RAB27A: variants seen among roughly 807,000 people sequenced by gnomAD.
RAB27A encodes ras-related protein Rab-27A.
Under a neutral mutation model 20.8 loss-of-function variants are expected in RAB27A, and 17 were observed. The ratio of observed to expected loss-of-function variants is 0.82; its 90% CI spans 0.56 to 1.23. RAB27A has a LOEUF of 1.23. Ranked by LOEUF, RAB27A falls within the 50% of genes most tolerant of loss-of-function variation. The probability of loss-of-function intolerance (pLI) is 0.00; values close to 1 mark genes in which losing one functional copy is unlikely to be tolerated. For missense variants in RAB27A, 277 were observed against 266.7 expected (o/e 1.04, Z -0.27); for synonymous variants, 85 against 92.8 (o/e 0.92, Z 0.48).
At chr15:55,304,934 G>T (rs749591794) in intron 2 of RAB27A, among the ~76,000 whole-genome samples, 4 of 152,132 alleles carry the variant, frequency 2.6e-5, no homozygotes, top group African/African-American at 7.2e-5. Flanking sequence ...CAAAGGGAGG[G>T]GACCCAAAGA....
chr15:55,262,876 C>T (rs1897327077), intron 2 of RAB27A, among the ~76,000 whole-genome samples: 1 of 152,088 alleles, frequency 6.6e-6, no homozygotes, highest in Non-Finnish European at 1.5e-5. Flanking sequence ...TGTCTTGATT[C>T]TAACATTTCA....
At chr15:55,222,989 T>G (rs757407846) in intron 6 of RAB27A, among the ~76,000 whole-genome samples, 38 of 103,186 alleles carry the variant, frequency 3.7e-4, no homozygotes, top group Non-Finnish European at 7.3e-4. Flanking sequence ...GTCCAGTTCA[T>G]GCTGCTGCTG....
At chr15:55,265,668 G>A (rs975574230) in intron 2 of RAB27A, among the ~76,000 whole-genome samples, 5 of 151,858 alleles carry the variant, frequency 3.3e-5, no homozygotes, top group African/African-American at 4.8e-5. Flanking sequence ...GTTTCGAACC[G>A]TCAGGAGGGA....
At chr15:55,209,682 A>G (rs1458268425) in intron 6 of RAB27A, among the ~76,000 whole-genome samples, 1 of 150,822 alleles carries the variant, frequency 6.6e-6, no homozygotes, top group Non-Finnish European at 1.5e-5. Flanking sequence ...CTCTCTCCTA[A>G]GAAAACTTAC....
intron 2 of RAB27A, 86 bp downstream of exon 2, chr15:55,270,079 T>C (rs1425094263): frequency 6.6e-6 from 1 of 152,054 alleles, no homozygotes; most frequent in Non-Finnish European, 1.5e-5. Context: ...GTATGTTATA[T>C]TGCACATAAT....
intron 2 of RAB27A, among the ~76,000 whole-genome samples, chr15:55,307,050 C>A (rs565679877): frequency 1.2e-4 from 18 of 152,110 alleles, no homozygotes; most frequent in South Asian, 1.0e-3. Context: ...TCCACTCCAG[C>A]CACTTTAACC....
intron 1 of RAB27A, among the ~76,000 whole-genome samples, chr15:55,286,955 T>C (rs1898172202): frequency 7.2e-6 from 1 of 138,508 alleles, no homozygotes; most frequent in African/African-American, 2.7e-5. Flanking sequence ...ACTCACACTC[T>C]GTCGCCCAGG....
chr15:55,261,868 T>G (rs192739874), intron 2 of RAB27A, among the ~76,000 whole-genome samples: 1 of 151,462 alleles, frequency 6.6e-6, no homozygotes, highest in Admixed American at 6.6e-5. Context: ...TGCAATCCCA[T>G]CTCTACTAAA....
chr15:55,253,974 A>G (rs944732716), intron 2 of RAB27A, among the ~76,000 whole-genome samples: 1 of 152,182 alleles, frequency 6.6e-6, no homozygotes, highest in African/African-American at 2.4e-5. Context: ...TGTTCAGGGG[A>G]AATCACAAAA....
At chr15:55,317,616 C>T in intron 1 of RAB27A, 1 of 397,542 alleles carries the variant, frequency 2.5e-6, no homozygotes, top group Non-Finnish European at 4.4e-6. Flanking sequence ...CCAGGCCTAA[C>T]TCCATGTAGT....
Position 55,314,190 on chromosome 15 carries a change from T to A in RAB27A, c.-233-30A>T, listed in dbSNP as rs565412140. ...AAAAAAAAAAAAAAAAAATTACCTA[T>A]GCTGGTCTCCACCTAACATAGCTGA... On this transcript the variant is annotated intron_variant, in intron 1 of 5. Transcript: ENST00000563262. The A allele has an allele frequency of 9.3e-4, 139 of 150,086 alleles. 2 individuals are homozygous for A. Among genetic ancestry groups the A allele is most frequent in the African/African-American group, 3.3e-3 (136 of 41,008 alleles). The allele number at this position is 150,086 out of a possible 1,614,324, so 9.3% of individuals were successfully genotyped here.
At chr15:55,313,483 A>G (rs1309587977) in intron 2 of RAB27A, among the ~76,000 whole-genome samples, 1 of 152,224 alleles carries the variant, frequency 6.6e-6, no homozygotes, top group Non-Finnish European at 1.5e-5. Context: ...TTATACAACA[A>G]TAATTTTCAC....
chr15:55,299,693 T>C (rs1022807668), intron 2 of RAB27A, among the ~76,000 whole-genome samples: 2 of 152,064 alleles, frequency 1.3e-5, no homozygotes, highest in Non-Finnish European at 2.9e-5. Flanking sequence ...TCAAATATGA[T>C]TCTGGATTAG....
At chr15:55,279,228 T>A (rs940731095) in intron 1 of RAB27A, among the ~76,000 whole-genome samples, 5 of 152,292 alleles carry the variant, frequency 3.3e-5, no homozygotes, top group African/African-American at 9.6e-5. Context: ...CTCCACCCAG[T>A]GTCCGAGGCC....
chr15:55,244,087 G>A (rs566373729), intron 2 of RAB27A, among the ~76,000 whole-genome samples: 2 of 152,216 alleles, frequency 1.3e-5, no homozygotes, highest in Admixed American at 1.3e-4. Flanking sequence ...GATCACTTGA[G>A]GTCACGAGTT....
chr15:55,292,764 T>C (rs932568263), upstream of RAB27A, among the ~76,000 whole-genome samples: 3 of 152,182 alleles, frequency 2.0e-5, no homozygotes, highest in African/African-American at 7.2e-5. Flanking sequence ...AACAGGCCTA[T>C]CTGAAGCACA....
intron 6 of RAB27A, among the ~76,000 whole-genome samples, chr15:55,212,248 C>T (rs900273846): frequency 3.9e-5 from 6 of 152,132 alleles, no homozygotes; most frequent in African/African-American, 7.2e-5. Flanking sequence ...GCCCAATTCA[C>T]AATGCTAGAA....
chr15:55,286,943 G>A (rs1489034039), intron 1 of RAB27A, among the ~76,000 whole-genome samples: 2 of 132,978 alleles, frequency 1.5e-5, no homozygotes, highest in South Asian at 2.5e-4. Flanking sequence ...TTTTTGAGAC[G>A]GACTCACACT....
chr15:55,206,137 G>C (rs973990655), intron 6 of RAB27A: 2 of 163,104 alleles, frequency 1.2e-5, no homozygotes, highest in African/African-American at 4.8e-5. Context: ...CTTGAACCTG[G>C]GAGGCAGAGG....
Sources: allele counts gnomAD v4.1 joint callset (sites outside exome capture counted in the v4.1 genomes callset), GRCh38; gene constraint gnomAD v4.1.1; transcripts MANE v1.5; gene names NCBI Gene and HGNC (gene_info 2026-07-23, HGNC 2026-07-21).